The following AK8 variants were observed in gnomAD, a reference collection of about 807,000 sequenced individuals.
AK8 encodes ATP-AMP transphosphorylase 8.
Under a neutral mutation model 54.6 loss-of-function variants are expected in AK8, and 44 were observed. The ratio of observed to expected loss-of-function variants is 0.81; its 90% confidence interval spans 0.63 to 1.04. The LOEUF is 1.04. Ranked by LOEUF, AK8 falls within the 50% of genes least tolerant of loss-of-function variation. The pLI, the probability that AK8 is intolerant of heterozygous loss-of-function variation, is 0.00. For synonymous variants in AK8, 239 were observed against 245.6 expected, an observed-to-expected ratio of 0.97 and a Z score of 0.25; for missense variants, 555 against 613.6, an observed-to-expected ratio of 0.90 and a Z score of 1.01.
chr9:132,838,455 A>G (rs1435001220), intron 5 of AK8, among the ~76,000 whole-genome samples: 3 of 152,152 alleles, frequency 2.0e-5, no homozygotes, highest in African/African-American at 7.2e-5. Context: ...CAGTACAGTC[A>G]CTTTTGGGGC....
intron 11 of AK8, among the ~76,000 whole-genome samples, chr9:132,771,470 T>C (rs1287857226): frequency 6.6e-6 from 1 of 152,236 alleles, no homozygotes; most frequent in Non-Finnish European, 1.5e-5. Flanking sequence ...TCCATCTTTA[T>C]ATGCTTAAGC....
In AK8 at chr9:132,875,104, C is replaced by T. The variant is rs1280342511; in HGVS notation, c.169+11G>A. On this transcript the variant is annotated intron_variant, in intron 2 of 12. Coordinates refer to ENST00000298545, the MANE Select transcript of AK8 (RefSeq NM_152572.3). Reference sequence around the variant, plus strand: ...AAGACGAGGAGGGGAAGAGCCCCAGCCAGTGCTCACCATTGTCGTTGTCTC... The same window carrying T: ...AAGACGAGGAGGGGAAGAGCCCCAGTCAGTGCTCACCATTGTCGTTGTCTC... 6 of 1,613,928 alleles carry T rather than the reference C, an allele frequency of 3.7e-6. No individual in the cohort carries two copies. Among genetic ancestry groups the T allele is most frequent in the Admixed American group, 3.3e-5 (2 of 59,980 alleles).
chr9:132,743,175 T>G (rs775318619), intron 11 of AK8, among the ~76,000 whole-genome samples: 1 of 152,192 alleles, frequency 6.6e-6, no homozygotes, highest in Non-Finnish European at 1.5e-5. Flanking sequence ...CTGGAAGAGA[T>G]TCGAGGCAGG....
At chr9:132,858,182 G>A (rs1336474336) in intron 4 of AK8, among the ~76,000 whole-genome samples, 1 of 152,222 alleles carries the variant, frequency 6.6e-6, no homozygotes. Flanking sequence ...GACAGGCTGT[G>A]TTTGCTGCAA....
At chr9:132,761,385 C>G (rs1838466002) in intron 11 of AK8, among the ~76,000 whole-genome samples, 1 of 151,712 alleles carries the variant, frequency 6.6e-6, no homozygotes, top group Non-Finnish European at 1.5e-5. Context: ...GCCTCAGCCA[C>G]TCGAGTAGCT....
rs114484202 is a variant in AK8, at chr9:132,749,673, G to C, written c.1122-22139C>G. ...GCTGTGTTGCTGTTTCCCAAATGCA[G>C]GAAGTCTCTTAAGTGCTTCATTTAC... On this transcript the variant is annotated intron_variant, in intron 11 of 12. Coordinates refer to ENST00000298545, the MANE Select transcript of AK8 (RefSeq NM_152572.3). Among the ~76,000 whole-genome samples, 7 of 151,946 alleles carry C rather than the reference G, an allele frequency of 4.6e-5. No individual in the cohort carries two copies. The South Asian group carries it at 1.5e-3, about 32-fold the overall frequency.
At chr9:132,800,028 C>T (rs1326704236) in intron 10 of AK8, among the ~76,000 whole-genome samples, 2 of 152,220 alleles carry the variant, frequency 1.3e-5, no homozygotes, top group Non-Finnish European at 2.9e-5. Context: ...TTTTTAATTT[C>T]CATTTCACAC....
At chr9:132,843,513 C>T (rs73549192) in intron 5 of AK8, among the ~76,000 whole-genome samples, 205 of 152,184 alleles carry the variant, frequency 1.3e-3, no homozygotes, top group African/African-American at 3.7e-3. Context: ...TGGCCTAATG[C>T]AATTAGGGTC....
chr9:132,775,178 G>GA (rs1839157702), intron 11 of AK8, among the ~76,000 whole-genome samples: 1 of 152,196 alleles, frequency 6.6e-6, no homozygotes, highest in African/African-American at 2.4e-5. Flanking sequence ...CAGGAAAGTT[G>GA]AACCAGCAAT....
chr9:132,787,209 G>GA lies in AK8; in HGVS notation c.1121+5424dup, dbSNP rs535740649. Among the ~76,000 whole-genome samples, 43 of 152,210 alleles carry GA rather than the reference G, an allele frequency of 2.8e-4. No individual in the cohort carries two copies. The Middle Eastern group carries it at 0.01, about 36-fold the overall frequency. On this transcript the variant is annotated intron_variant, in intron 11 of 12. Transcript: ENST00000298545. The stretch of plus-strand genomic sequence containing the variant: ...GTTTCAGAGAGAATAGAAAAAAGGG[G>GA]AAAAAATCATTAACAAAATAATTCA...
chr9:132,806,222 A>G (rs986705623), intron 10 of AK8, among the ~76,000 whole-genome samples: 6 of 152,002 alleles, frequency 3.9e-5, no homozygotes, highest in African/African-American at 1.5e-4. Context: ...AACTCGACGG[A>G]TTCAAACTGT....
chr9:132,726,010 A>C, intron 12 of AK8, 85 bp from the exon 13 acceptor site: 1 of 1,246,460 alleles, frequency 8.0e-7, no homozygotes, highest in Non-Finnish European at 1.1e-6. Flanking sequence ...CTGTGGACCA[A>C]TTTGGGGTGT....
intron 5 of AK8, among the ~76,000 whole-genome samples, chr9:132,842,715 G>C (rs1427660995): frequency 1.3e-5 from 2 of 152,266 alleles, no homozygotes; most frequent in African/African-American, 4.8e-5. Flanking sequence ...CAGTCTCAAA[G>C]GCTGCAGTCA....
In AK8 at chr9:132,786,967, G is replaced by A. The variant is rs118109650; in HGVS notation, c.1121+5667C>T. On this transcript the variant is annotated intron_variant, in intron 11 of 12. Coordinates refer to ENST00000298545, the MANE Select transcript of AK8 (RefSeq NM_152572.3). ...AATATTCAGAAAACAAAAAGCTCTTGAATATTACAGAAATAAACAAACCCA... is the reference window on the plus strand; with the variant it reads ...AATATTCAGAAAACAAAAAGCTCTTAAATATTACAGAAATAAACAAACCCA... Among the ~76,000 whole-genome samples, 5 of 152,114 alleles carry A rather than the reference G, an allele frequency of 3.3e-5. No individual in the cohort carries two copies. In the East Asian group the frequency reaches 9.7e-4, roughly 29 times the overall value.
At chr9:132,780,149 A>G (rs1839397243) in intron 11 of AK8, among the ~76,000 whole-genome samples, 1 of 152,186 alleles carries the variant, frequency 6.6e-6, no homozygotes, top group Non-Finnish European at 1.5e-5. Context: ...GGGCTGTTTC[A>G]CGGCAGTCAG....
chr9:132,800,663 C>T (rs982080599), intron 10 of AK8, among the ~76,000 whole-genome samples: 2 of 152,154 alleles, frequency 1.3e-5, no homozygotes, highest in East Asian at 3.9e-4. Context: ...GACAATGGCG[C>T]CAGGAAATAA....
intron 11 of AK8, among the ~76,000 whole-genome samples, chr9:132,779,586 C>T (rs948771845): frequency 1.3e-5 from 2 of 152,238 alleles, no homozygotes; most frequent in Non-Finnish European, 2.9e-5. Flanking sequence ...TGGGCACTCA[C>T]GTGCAGAGCA....
chr9:132,838,634 TAGA>T (rs950571483), intron 5 of AK8, among the ~76,000 whole-genome samples: 32 of 152,248 alleles, frequency 2.1e-4, no homozygotes, highest in African/African-American at 7.5e-4. Flanking sequence ...GATGCATTTC[TAGA>T]AGGTCAGTTT....
intron 11 of AK8, among the ~76,000 whole-genome samples, chr9:132,758,629 C>A (rs1457245787): frequency 6.8e-6 from 1 of 147,366 alleles, no homozygotes. Context: ...TTTTTTTTTT[C>A]TGCATTTTTA....
Sources: gnomAD v4.1 joint callset for allele counts (sites outside exome capture counted in the v4.1 genomes callset) on GRCh38, gnomAD v4.1.1 for gene constraint, MANE v1.5 for transcripts, NCBI Gene and HGNC (gene_info 2026-07-23, HGNC 2026-07-21) for gene names.